Variants in CACNA1S observed in about 807,000 individuals in gnomAD.
CACNA1S encodes the protein calcium voltage-gated channel subunit alpha1 S.
CACNA1S carries 126 observed loss-of-function variants against 207.4 expected under a neutral mutation model. The ratio of observed to expected loss-of-function variants is 0.61; its 90% CI spans 0.53 to 0.70. CACNA1S has a LOEUF of 0.70. Ranked by LOEUF, CACNA1S falls within the 30% of genes least tolerant of loss-of-function variation. The pLI, the probability that CACNA1S is intolerant of heterozygous loss-of-function variation, is 0.00. For synonymous variants in CACNA1S, 960 were observed against 932.7 expected (o/e 1.03, Z -0.53); for missense variants, 2,349 against 2,422.8 (o/e 0.97, Z 0.64).
chr1:201,052,703 C>T, intron 31 of CACNA1S, 55 bp from the exon 32 acceptor site: 1 of 1,420,806 alleles, frequency 7.0e-7, no homozygotes, highest in Non-Finnish European at 1.0e-6. Flanking sequence ...GTCCCCTCAG[C>T]TTATCCCCCA....
intron 28 of CACNA1S, among the ~76,000 whole-genome samples, chr1:201,056,074 C>G (rs562378467): frequency 7.3e-4 from 93 of 128,236 alleles, no homozygotes; most frequent in Admixed American, 7.4e-4. Flanking sequence ...CAGACAGACA[C>G]ACACACACAC....
intron 34 of CACNA1S, 137 bp downstream of exon 34, chr1:201,050,252 T>C: frequency 1.0e-6 from 1 of 977,510 alleles, no homozygotes; most frequent in Non-Finnish European, 1.6e-6. Context: ...TCTGATTCTC[T>C]GATCTGAGAC....
chr1:201,061,187 C>A, intron 25 of CACNA1S, 80 bp downstream of exon 25: 1 of 1,314,702 alleles, frequency 7.6e-7, no homozygotes, highest in South Asian at 1.2e-5. Context: ...GGCCTCTCTT[C>A]CCTGGCTGAA....
chr1:201,102,271 G>A (rs1397963407), intron 2 of CACNA1S, among the ~76,000 whole-genome samples: 1 of 152,126 alleles, frequency 6.6e-6, no homozygotes, highest in African/African-American at 2.4e-5. Flanking sequence ...CACAGCAGAG[G>A]CCAGACACTC....
chr1:201,064,632 A>G (rs1323201316), intron 22 of CACNA1S, among the ~76,000 whole-genome samples: 1 of 152,194 alleles, frequency 6.6e-6, no homozygotes, highest in Non-Finnish European at 1.5e-5. Context: ...TGCTTTGGTG[A>G]TAGGAGGAGC....
At chr1:201,068,984 T>C (rs939188932) in intron 19 of CACNA1S, among the ~76,000 whole-genome samples, 153 bp downstream of exon 19, 5 of 152,184 alleles carry the variant, frequency 3.3e-5, no homozygotes, top group African/African-American at 9.7e-5. Flanking sequence ...ATCCAGATAC[T>C]TGTGGGCCTG....
intron 10 of CACNA1S, among the ~76,000 whole-genome samples, chr1:201,079,734 C>G (rs1661774198): frequency 6.6e-6 from 1 of 152,198 alleles, no homozygotes; most frequent in Admixed American, 6.5e-5. Flanking sequence ...TGGCCACAGC[C>G]CTGAGCCAGA....
chr1:201,077,113 A>G lies in CACNA1S; in HGVS notation c.1634T>C (p.Leu545Pro). Residue 545 changes from leucine to proline, a missense_variant, in exon 12 of 44, where the codon CTG becomes CCG. Leu to Pro is a moderately conservative substitution (Grantham distance 98). Transcript: ENST00000362061. ...IFKITKYWTS[L>P]SNLVASLLNS... ...GAGCAGGGATGCCACCAGGTTGCTC[A>G]GCGACGTCCAATATCTGAAGGAAGA... The G allele has an allele frequency of 6.2e-7, 1 of 1,614,076 alleles. No homozygotes were observed. The highest frequency in any genetic ancestry group is 8.5e-7 in the Non-Finnish European group (1 of 1,179,952).
intron 25 of CACNA1S, among the ~76,000 whole-genome samples, chr1:201,061,035 T>C (rs1388528212): frequency 6.6e-6 from 1 of 152,240 alleles, no homozygotes; most frequent in Non-Finnish European, 1.5e-5. Flanking sequence ...ACTGTGGGTC[T>C]GAAGGGCTTC....
chr1:201,041,482 T>C, intron 41 of CACNA1S, 22 bp downstream of exon 41: 2 of 1,589,580 alleles, frequency 1.3e-6, no homozygotes, highest in South Asian at 1.1e-5. Context: ...TCAAGCTTCT[T>C]AGATGCACAG....
chr1:201,082,281 C>G (rs541651426), intron 10 of CACNA1S, among the ~76,000 whole-genome samples: 22 of 152,270 alleles, frequency 1.4e-4, no homozygotes, highest in Non-Finnish European at 2.4e-4. Flanking sequence ...CCCACCTCAG[C>G]CTCCCAAACT....
intron 26 of CACNA1S, among the ~76,000 whole-genome samples, 153 bp downstream of exon 26, chr1:201,060,505 A>G (rs1174649387): frequency 6.6e-6 from 1 of 152,204 alleles, no homozygotes; most frequent in Non-Finnish European, 1.5e-5. Flanking sequence ...GCCTGTGCGC[A>G]GTTCACTTCT....
At chr1:201,047,466 G>T in intron 37 of CACNA1S, 59 bp downstream of exon 37, 1 of 1,441,260 alleles carries the variant, frequency 6.9e-7, no homozygotes, top group Non-Finnish European at 9.8e-7. Context: ...CCTTGGAGAA[G>T]CTCCCCACTC....
intron 22 of CACNA1S, among the ~76,000 whole-genome samples, chr1:201,064,983 G>A (rs1010733033): frequency 2.6e-5 from 4 of 152,200 alleles, no homozygotes; most frequent in South Asian, 2.1e-4. Context: ...GCGTATGCTT[G>A]GCACAGGCCT....
chr1:201,069,301 C>T, intron 18 of CACNA1S, 105 bp from the exon 19 acceptor site: 1 of 1,425,070 alleles, frequency 7.0e-7, no homozygotes, highest in Non-Finnish European at 9.8e-7. Flanking sequence ...TTCTGTGCCC[C>T]AGCCTGTGCC....
chr1:201,106,893 C>T (rs1435842445), intron 2 of CACNA1S, among the ~76,000 whole-genome samples: 4 of 152,324 alleles, frequency 2.6e-5, no homozygotes, highest in Middle Eastern at 3.4e-3. Flanking sequence ...GAGGCTCAAC[C>T]TCATAGGTCA....
Position 201,043,381 on chromosome 1 carries a change from C to T in CACNA1S, c.4948G>A (p.Asp1650Asn), listed in dbSNP as rs1553248137. The T allele has an allele frequency of 6.2e-7, 1 of 1,614,170 alleles. No individual in the cohort carries two copies. Among genetic ancestry groups the T allele is most frequent in the Admixed American group, 1.7e-5 (1 of 60,022 alleles). ...SPVFLEDFPQ[D>N]PRTNPLARAN... The stretch of plus-strand genomic sequence containing the variant: ...CGAGCCAGGGGGTTGGTGCGTGGAT[C>T]TTGTGGGAAGTCCTCCAAGAAGACA... Residue 1650 changes from aspartate to asparagine, a missense_variant, in exon 40 of 44, where the codon GAT becomes AAT. Transcript: ENST00000362061.
At position 201,048,823 on chromosome 1, in the gene CACNA1S, AG is replaced by A. The variant is rs1660557265; in HGVS notation, c.4339-140del. On this transcript the variant is annotated intron_variant, in intron 35 of 43. Coordinates refer to ENST00000362061, the MANE Select transcript of CACNA1S (RefSeq NM_000069.3). ...TCAGCTGACCAGGACATCCTTTGTG[AG>A]GGGACAGAATGATGAGTTGGGTGAC... 12 of 846,604 alleles carry A rather than the reference AG, an allele frequency of 1.4e-5. No individual in the cohort carries two copies. The South Asian group carries it at 1.7e-4, about 12-fold the overall frequency. The allele number at this position is 846,604 out of a possible 1,614,324, so 52.4% of individuals were successfully genotyped here.
rs138541733 is a variant in CACNA1S, at chr1:201,076,970, G to A, written c.1777C>T (p.Arg593Trp). ...GRYDFEDTEV[R>W]RSNFDNFPQA... ...GGAAAGTTGTCAAAGTTGCTGCGCC[G>A]TACTTCTGTGTCTTCAAAGTCATAC... is the stretch of plus-strand genomic sequence containing the variant. The change falls in exon 12 of 44, where the codon CGG becomes TGG. Residue 593 changes from arginine (R) to tryptophan (W), a missense_variant. Transcript: ENST00000362061. The A allele has an allele frequency of 7.7e-5, 125 of 1,614,090 alleles. No homozygotes were observed. The highest frequency in any genetic ancestry group is 1.0e-4 in the Non-Finnish European group (118 of 1,180,054).
Sources: gnomAD v4.1 joint callset for allele counts (sites outside exome capture counted in the v4.1 genomes callset) on GRCh38, gnomAD v4.1.1 for gene constraint, MANE v1.5 for transcripts, NCBI Gene and HGNC (gene_info 2026-07-23, HGNC 2026-07-21) for gene names.